PPIE: variants seen among roughly 807,000 people sequenced by gnomAD.
PPIE encodes the protein peptidylprolyl isomerase E, also known as peptidyl-prolyl cis-trans isomerase E.
Under a neutral mutation model 38.4 loss-of-function variants are expected in PPIE, and 20 were observed. The observed-to-expected ratio is 0.52, with a 90% CI of 0.37 to 0.76. The LOEUF is 0.76. PPIE is among the 30% of genes least tolerant of loss of function. The pLI is 0.00. For synonymous variants in PPIE, 142 were observed against 135.7 expected, an observed-to-expected ratio of 1.05 and a Z score of -0.32; for missense variants, 322 against 385.8, an observed-to-expected ratio of 0.83 and a Z score of 1.39.
chr1:39,763,647 G>A (rs493473), intron 9 of PPIE: 588,562 of 1,409,022 alleles, frequency 0.42, 81,454 homozygotes, highest in South Asian at 0.43. Flanking sequence ...TGTCCTCCCT[G>A]CAGATTCACT....
chr1:39,752,526 G>A (rs1466740620), intron 8 of PPIE, among the ~76,000 whole-genome samples: 1 of 152,124 alleles, frequency 6.6e-6, no homozygotes, highest in Non-Finnish European at 1.5e-5. Flanking sequence ...CGTGACAAAT[G>A]TCCATGTTAC....
chr1:39,754,242 T>G lies in PPIE; in HGVS notation c.*887T>G, dbSNP rs1569716969. 4.4e-6 allele frequency: 1 copy of G among 228,506 alleles called. No individual in the cohort carries two copies. The highest frequency in any genetic ancestry group is 7.3e-6 in the Non-Finnish European group (1 of 137,888). The allele number at this position is 228,506 out of a possible 1,614,324, so 14.2% of individuals were successfully genotyped here. A position where few individuals can be genotyped will look rare whatever the true frequency, so the allele number is the denominator to read the frequency against. On this transcript the variant is annotated 3_prime_UTR_variant, in exon 10 of 10. Transcript: ENST00000324379. ...GGTGCGTAAGGGGCTATAGACACAATACAGGCTATGGTCCCTGTATTAGGG... is the reference window on the plus strand; with the variant it reads ...GGTGCGTAAGGGGCTATAGACACAAGACAGGCTATGGTCCCTGTATTAGGG...
chr1:39,742,352 G>T (rs557822341), intron 4 of PPIE: 1 of 160,286 alleles, frequency 6.2e-6, no homozygotes, highest in East Asian at 1.8e-4. Context: ...TGGGAAAAAT[G>T]ATGATGCTCT....
intron 9 of PPIE, chr1:39,762,953 CG>C (rs1649208107): frequency 7.3e-6 from 8 of 1,090,310 alleles, no homozygotes; most frequent in Non-Finnish European, 1.1e-5. Flanking sequence ...GGGAAGTTAG[CG>C]ACGTTACTGA....
intron 4 of PPIE, chr1:39,742,682 C>G (rs1647092395): frequency 6.6e-6 from 1 of 152,298 alleles, no homozygotes; most frequent in African/African-American, 2.4e-5. Context: ...TGGTAAGAAA[C>G]TTGTTTTTAT....
In PPIE at chr1:39,756,029, C is replaced by A. The variant is rs976380408; in HGVS notation, c.*2674C>A. 1 of 985,252 alleles carries A rather than the reference C, an allele frequency of 1.0e-6. No homozygotes were observed. The highest frequency in any genetic ancestry group is 1.7e-5 in the African/African-American group (1 of 57,202). 61.0% of individuals were successfully genotyped at this position (985,252 alleles called of 1,614,324 possible). A position where few individuals can be genotyped will look rare whatever the true frequency, so the allele number is the denominator to read the frequency against. On this transcript the variant is annotated 3_prime_UTR_variant, in exon 10 of 10. Coordinates refer to ENST00000324379, the MANE Select transcript of PPIE (RefSeq NM_006112.4). ...TCATGGTCCCCATGATTGGCCAGGACCTGTGTGGAGAGACACAGGAGACAA... is the reference window on the plus strand; with the variant it reads ...TCATGGTCCCCATGATTGGCCAGGAACTGTGTGGAGAGACACAGGAGACAA...
intron 7 of PPIE, 192 bp from the exon 8 acceptor site, chr1:39,748,711 G>A: frequency 1.7e-6 from 1 of 576,778 alleles, no homozygotes; most frequent in Non-Finnish European, 3.0e-6. Context: ...CTGCAGCATG[G>A]GCAACAAGAG....
At chr1:39,757,396 A>G (rs1243050990), downstream of PPIE, 1 of 152,260 alleles carries the variant, frequency 6.6e-6, no homozygotes, top group Non-Finnish European at 1.5e-5. Flanking sequence ...ATTCAAATCT[A>G]TTTGGCACCA....
At chr1:39,745,722 C>A in intron 7 of PPIE, 1 of 541,268 alleles carries the variant, frequency 1.8e-6, no homozygotes, top group Non-Finnish European at 3.2e-6. Flanking sequence ...TTTAAAAATA[C>A]AAGTAAATAA....
downstream of PPIE, chr1:39,760,029 C>A: frequency 4.0e-6 from 1 of 247,010 alleles, no homozygotes; most frequent in Non-Finnish European, 8.0e-6. Flanking sequence ...AGGTGGCCAA[C>A]AGTGGGCTCC....
At chr1:39,743,699 G>A in intron 5 of PPIE, 125 bp from the exon 6 acceptor site, 3 of 719,486 alleles carry the variant, frequency 4.2e-6, no homozygotes, top group Non-Finnish European at 7.0e-6. Context: ...ACCCCTGGGA[G>A]TTCTCAGTGG....
chr1:39,750,974 G>C (rs1344757395), intron 8 of PPIE, among the ~76,000 whole-genome samples: 2 of 152,196 alleles, frequency 1.3e-5, no homozygotes, highest in East Asian at 3.8e-4. Context: ...AAACGAATTT[G>C]TATAATACTC....
intron 9 of PPIE, chr1:39,762,395 A>G: frequency 7.8e-7 from 1 of 1,277,676 alleles, no homozygotes; most frequent in Non-Finnish European, 1.1e-6. Flanking sequence ...AATACCAGGA[A>G]CTGGGATTCT....
intron 1 of PPIE, chr1:39,739,200 G>T: frequency 5.1e-6 from 2 of 395,268 alleles, no homozygotes; most frequent in Non-Finnish European, 8.9e-6. Context: ...CCCGAAAAAT[G>T]ACCCACTTGC....
chr1:39,741,080 A>G (rs967953134), intron 2 of PPIE, among the ~76,000 whole-genome samples: 6 of 152,246 alleles, frequency 3.9e-5, no homozygotes, highest in African/African-American at 1.4e-4. Context: ...ATTGCTTTGC[A>G]TGCAATGGTT....
intron 2 of PPIE, 139 bp from the exon 3 acceptor site, chr1:39,741,227 A>T (rs1044661478): frequency 9.9e-6 from 7 of 705,174 alleles, no homozygotes; most frequent in Middle Eastern, 2.6e-4. Flanking sequence ...CAAGAATGAG[A>T]TTCCTTCTTC....
downstream of PPIE, chr1:39,759,224 C>G (rs866442260): frequency 1.9e-4 from 29 of 152,368 alleles, no homozygotes; most frequent in African/African-American, 6.5e-4. Flanking sequence ...CTACTTGTCA[C>G]TCCCTGAAAA....
At position 39,739,654 on chromosome 1, in the gene PPIE, C is replaced by T. The variant is rs11809515; in HGVS notation, c.32-511C>T. Among the ~76,000 whole-genome samples, 3 of 151,878 alleles carry T rather than the reference C, an allele frequency of 2.0e-5. No homozygotes were observed. The South Asian group carries it at 6.2e-4, about 32-fold the overall frequency. On this transcript the variant is annotated intron_variant, in intron 1 of 9. Transcript: ENST00000324379. ...GATGAGCAGGAGTTAGCTACGTAAC[C>T]GAAGCAGAGGCAAGGCCGTTCACTG... is the stretch of plus-strand genomic sequence containing the variant.
At chr1:39,762,679 A>G in intron 9 of PPIE, 1 of 1,504,044 alleles carries the variant, frequency 6.6e-7, no homozygotes, top group Non-Finnish European at 8.9e-7. Context: ...CACACCCCAC[A>G]CACTGTGCAC....
Sources: gnomAD v4.1 joint callset for allele counts (sites outside exome capture counted in the v4.1 genomes callset) on GRCh38, gnomAD v4.1.1 for gene constraint, MANE v1.5 for transcripts, NCBI Gene and HGNC (gene_info 2026-07-23, HGNC 2026-07-21) for gene names.